The following ADCK1 variants were observed in gnomAD, a reference collection of about 807,000 sequenced individuals.
ADCK1 encodes aarF domain-containing protein kinase 1.
ADCK1 carries 41 observed loss-of-function variants against 52.3 expected under a neutral mutation model. The ratio of observed to expected loss-of-function variants is 0.78; its 90% CI spans 0.61 to 1.02. The LOEUF (loss-of-function observed/expected upper bound fraction) is 1.02. Among genes scored for constraint, ADCK1 ranks in the 50% least tolerant of loss-of-function variants. The probability of loss-of-function intolerance (pLI) is 0.00; values close to 1 mark genes in which losing one functional copy is unlikely to be tolerated. For missense variants in ADCK1, 658 were observed against 679.5 expected (o/e 0.97, Z 0.35); for synonymous variants, 250 against 274.6 (o/e 0.91, Z 0.89).
intron 2 of ADCK1, among the ~76,000 whole-genome samples, chr14:77,820,125 G>T (rs1459843134): frequency 6.6e-6 from 1 of 152,104 alleles, no homozygotes; most frequent in Non-Finnish European, 1.5e-5. Flanking sequence ...CCTAGACCCA[G>T]CTACGAAGTA....
In ADCK1 at chr14:77,810,037, C is replaced by CAA. The variant is rs558244331; in HGVS notation, c.-11-8911_-11-8910dup. 4.2e-3 allele frequency among the ~76,000 whole-genome samples: 454 copies of CAA among 107,752 alleles called. 3 individuals carry two copies. Among genetic ancestry groups the CAA allele is most frequent in the African/African-American group, 0.011 (271 of 25,754 alleles). The allele number at this position is 107,752 out of a possible 152,430, so 70.7% of individuals were successfully genotyped here. Reference sequence around the variant, plus strand: ...TGGGTGACAGAGTGAGACTCTGTCTCAAAAAAAAAAAAAAAAAAAAATTAC... The same window carrying CAA: ...TGGGTGACAGAGTGAGACTCTGTCTCAAAAAAAAAAAAAAAAAAAAAAATTAC... On this transcript the variant is annotated intron_variant, in intron 1 of 10. Coordinates refer to ENST00000238561, the MANE Select transcript of ADCK1 (RefSeq NM_020421.4).
intron 3 of ADCK1, among the ~76,000 whole-genome samples, chr14:77,828,151 A>G (rs562151165): frequency 1.2e-3 from 188 of 152,176 alleles, no homozygotes; most frequent in African/African-American, 4.1e-3. Flanking sequence ...TTTAGTAGAG[A>G]TGGGGTTTCA....
rs150806982 is a variant in ADCK1, at chr14:77,851,431, T to C, written c.220-7645T>C. Among the ~76,000 whole-genome samples the C allele has an allele frequency of 4.5e-3, 690 of 152,312 alleles. 7 individuals carry two copies. Among genetic ancestry groups the C allele is most frequent in the Admixed American group, 0.012 (187 of 15,290 alleles). On this transcript the variant is annotated intron_variant, in intron 3 of 10. Transcript: ENST00000238561. Reference sequence around the variant, plus strand: ...GCGCCTGGCCATATTTGGGTCTTTTTAAGAGTAGTTTGACAATCTCTTACT... The same window carrying C: ...GCGCCTGGCCATATTTGGGTCTTTTCAAGAGTAGTTTGACAATCTCTTACT...
intron 4 of ADCK1, among the ~76,000 whole-genome samples, chr14:77,863,334 G>A (rs1039813537): frequency 1.3e-5 from 2 of 152,120 alleles, no homozygotes; most frequent in Non-Finnish European, 2.9e-5. Context: ...GAAAAGTGGA[G>A]GAAGATATAG....
At chr14:77,864,900 C>T (rs1027495535) in intron 4 of ADCK1, among the ~76,000 whole-genome samples, 2 of 152,124 alleles carry the variant, frequency 1.3e-5, no homozygotes, top group Admixed American at 6.5e-5. Flanking sequence ...GAAGGTCAGT[C>T]TATGTTCTGT....
chr14:77,817,165 C>G (rs2081473212), intron 1 of ADCK1, among the ~76,000 whole-genome samples: 1 of 152,168 alleles, frequency 6.6e-6, no homozygotes, highest in Non-Finnish European at 1.5e-5. Flanking sequence ...ACGCTCCAAC[C>G]TGGCAGGCGG....
At chr14:77,858,984 G>A in intron 3 of ADCK1, 92 bp from the exon 4 acceptor site, 1 of 1,227,076 alleles carries the variant, frequency 8.1e-7, no homozygotes, top group South Asian at 1.5e-5. Context: ...GGGGTAATGA[G>A]GGTTTTCAAG....
chr14:77,879,715 G>T (rs1308574803), intron 4 of ADCK1, among the ~76,000 whole-genome samples: 2 of 152,162 alleles, frequency 1.3e-5, no homozygotes, highest in African/African-American at 4.8e-5. Flanking sequence ...GGAAGAGATA[G>T]GGCAGGCTGG....
intron 4 of ADCK1, among the ~76,000 whole-genome samples, chr14:77,873,070 T>A (rs2082820819): frequency 6.6e-6 from 1 of 152,174 alleles, no homozygotes; most frequent in Admixed American, 6.5e-5. Flanking sequence ...TTGGTGGTGA[T>A]TCTGAGATTT....
chr14:77,883,507 T>C (rs80260701), intron 4 of ADCK1, among the ~76,000 whole-genome samples: 2,772 of 152,254 alleles, frequency 0.018, 75 homozygotes, highest in African/African-American at 0.064. Context: ...CATTTAGAGA[T>C]ACTTTATTCA....
chr14:77,932,121 T>A (rs1474580712), intron 10 of ADCK1, among the ~76,000 whole-genome samples: 1 of 151,638 alleles, frequency 6.6e-6, no homozygotes, highest in African/African-American at 2.4e-5. Flanking sequence ...TGATCTCGGC[T>A]CACTGCAACC....
intron 7 of ADCK1, chr14:77,908,243 TCTGTGGGGC>T: frequency 5.4e-6 from 1 of 185,822 alleles, no homozygotes; most frequent in Non-Finnish European, 1.1e-5. Flanking sequence ...TCCTTTTGGC[TCTGTGGGGC>T]CTGTCTGTTG....
At chr14:77,822,623 TA>T in intron 3 of ADCK1, 105 bp downstream of exon 3, 1 of 994,670 alleles carries the variant, frequency 1.0e-6, no homozygotes. Context: ...GTGCTGGGAT[TA>T]AAGGCATGAG....
At chr14:77,875,099 C>G (rs187953810) in intron 4 of ADCK1, among the ~76,000 whole-genome samples, 49 of 152,232 alleles carry the variant, frequency 3.2e-4, no homozygotes, top group African/African-American at 9.4e-4. Flanking sequence ...GAGTAGAACT[C>G]ACTGGAAGAC....
At chr14:77,898,707 G>A (rs1192096802) in intron 5 of ADCK1, among the ~76,000 whole-genome samples, 1 of 152,162 alleles carries the variant, frequency 6.6e-6, no homozygotes, top group Non-Finnish European at 1.5e-5. Flanking sequence ...TTAATACCTA[G>A]GTGATGGGTT....
intron 1 of ADCK1, among the ~76,000 whole-genome samples, chr14:77,818,020 G>A (rs1035685777): frequency 6.6e-6 from 1 of 151,786 alleles, no homozygotes; most frequent in Non-Finnish European, 1.5e-5. Context: ...TTACAGGCGT[G>A]AGCCACCACG....
chr14:77,845,601 T>A (rs2082158350), intron 3 of ADCK1, among the ~76,000 whole-genome samples: 1 of 152,066 alleles, frequency 6.6e-6, no homozygotes, highest in South Asian at 2.1e-4. Flanking sequence ...ATTTTTGTAT[T>A]TTTAGTAGAG....
chr14:77,819,161 G>A, intron 2 of ADCK1, 48 bp downstream of exon 2: 1 of 1,610,604 alleles, frequency 6.2e-7, no homozygotes, highest in Non-Finnish European at 8.5e-7. Flanking sequence ...AGGATTACTT[G>A]CAGGTGTTCA....
chr14:77,916,603 C>T (rs1411595061), intron 7 of ADCK1, among the ~76,000 whole-genome samples: 6 of 152,148 alleles, frequency 3.9e-5, no homozygotes, highest in Non-Finnish European at 8.8e-5. Context: ...TACAGGGGCA[C>T]GCCACCGTGC....
Sources: gnomAD v4.1 joint callset for allele counts (sites outside exome capture counted in the v4.1 genomes callset) on GRCh38, gnomAD v4.1.1 for gene constraint, MANE v1.5 for transcripts, NCBI Gene and HGNC (gene_info 2026-07-23, HGNC 2026-07-21) for gene names.